The following CCL28 variants were observed in gnomAD, a reference collection of about 807,000 sequenced individuals.
CCL28 encodes C-C motif chemokine ligand 28, also known as C-C motif chemokine 28.
CCL28 carries 4 observed loss-of-function variants against 7.1 expected under a neutral mutation model. That is an observed-to-expected ratio of 0.56 (90% CI 0.28 to 1.29). The LOEUF (loss-of-function observed/expected upper bound fraction) is 1.29. Among genes scored for constraint, CCL28 ranks in the 50% most tolerant of loss-of-function variants. CCL28 has a pLI of 0.11. For synonymous variants in CCL28, 55 were observed against 57.8 expected, an observed-to-expected ratio of 0.95 and a Z score of 0.22; for missense variants, 151 against 163.4, an observed-to-expected ratio of 0.92 and a Z score of 0.41.
chr5:43,368,815 C>T, the CCL28 span, among the ~76,000 whole-genome samples: 2 of 152,024 alleles, frequency 1.3e-5, no homozygotes, highest in African/African-American at 4.8e-5. Context: ...AGGTGTGGGA[C>T]AGAACCCTCC....
At chr5:43,357,153 T>G in the CCL28 span, among the ~76,000 whole-genome samples, 1 of 152,288 alleles carries the variant, frequency 6.6e-6, no homozygotes, top group East Asian at 1.9e-4. Flanking sequence ...AGTGGAGGAT[T>G]CTTATGGCAG....
chr5:43,403,824 T>C (rs6881870), intron 1 of CCL28, among the ~76,000 whole-genome samples: 5,407 of 152,234 alleles, frequency 0.036, 261 homozygotes, highest in African/African-American at 0.11. Context: ...AAGGACCTGA[T>C]GGAGCTGAAA....
At position 43,380,883 on chromosome 5, in the gene CCL28, C is replaced by G. The variant is rs1395532270; in HGVS notation, c.*977G>C. 2.0e-5 allele frequency: 3 copies of G among 150,120 alleles called. No individual in the cohort carries two copies. The highest frequency in any genetic ancestry group is 3.0e-5 in the Non-Finnish European group (2 of 67,516). 9.3% of individuals were successfully genotyped at this position (150,120 alleles called of 1,614,324 possible). On this transcript the variant is annotated 3_prime_UTR_variant, in exon 3 of 3. Transcript: ENST00000361115. Reference sequence around the variant, plus strand: ...ATTGAAAGATATTAAAGAAAAATAACAATTATTTGCAATATGTATGTCAAC... The same window carrying G: ...ATTGAAAGATATTAAAGAAAAATAAGAATTATTTGCAATATGTATGTCAAC...
chr5:43,364,204 C>T, the CCL28 span, among the ~76,000 whole-genome samples: 8 of 104,664 alleles, frequency 7.6e-5, 1 homozygote, highest in Non-Finnish European at 1.1e-4. Context: ...TTCTGATAAA[C>T]ATTGTGATTT....
At position 43,379,614 on chromosome 5, in the gene CCL28, G is replaced by A. The variant is rs1375396215; in HGVS notation, c.*2246C>T. The A allele has an allele frequency of 1.3e-5, 2 of 152,192 alleles. No homozygotes were observed. Among genetic ancestry groups the A allele is most frequent in the East Asian group, 3.8e-4 (2 of 5,196 alleles). The allele number at this position is 152,192 out of a possible 1,614,324, so 9.4% of individuals were successfully genotyped here. The stretch of plus-strand genomic sequence containing the variant: ...GCATTTTAACCTATGGAGACTCAGT[G>A]CCTCTGTGTGTCCCATTATCACCTC... On this transcript the variant is annotated 3_prime_UTR_variant, in exon 3 of 3. Coordinates refer to ENST00000361115, the MANE Select transcript of CCL28 (RefSeq NM_148672.3).
chr5:43,357,568 T>C, the CCL28 span, among the ~76,000 whole-genome samples: 9 of 152,114 alleles, frequency 5.9e-5, no homozygotes, highest in Non-Finnish European at 1.3e-4. Context: ...AAAAACATGA[T>C]CAAGCTCCCA....
the CCL28 span, among the ~76,000 whole-genome samples, chr5:43,359,255 C>G: frequency 5.3e-5 from 8 of 152,026 alleles, no homozygotes; most frequent in African/African-American, 1.9e-4. Context: ...AGCTGAGAAC[C>G]CTGAACAGAG....
At chr5:43,404,620 C>T (rs1370613737) in intron 1 of CCL28, among the ~76,000 whole-genome samples, 3 of 152,150 alleles carry the variant, frequency 2.0e-5, no homozygotes, top group Admixed American at 6.5e-5. Flanking sequence ...AAATAACCAG[C>T]TAGCATCATA....
the CCL28 span, among the ~76,000 whole-genome samples, chr5:43,365,441 G>A: frequency 6.6e-6 from 1 of 152,210 alleles, no homozygotes; most frequent in Non-Finnish European, 1.5e-5. Flanking sequence ...CCTGTTAGTT[G>A]ATGCAGTTTC....
At chr5:43,401,527 G>C (rs752548338) in intron 1 of CCL28, among the ~76,000 whole-genome samples, 3 of 152,182 alleles carry the variant, frequency 2.0e-5, no homozygotes. Context: ...CCTTGGGTGA[G>C]TTAACTCTCT....
intron 1 of CCL28, among the ~76,000 whole-genome samples, chr5:43,397,871 C>G (rs184448061): frequency 6.6e-6 from 1 of 151,678 alleles, no homozygotes; most frequent in Non-Finnish European, 1.5e-5. Flanking sequence ...CTTTTTTTTG[C>G]GTTTTTAAAT....
chr5:43,394,873 T>C (rs1740733619), intron 1 of CCL28, among the ~76,000 whole-genome samples: 1 of 151,988 alleles, frequency 6.6e-6, no homozygotes, highest in Non-Finnish European at 1.5e-5. Flanking sequence ...CTTGCCCTCC[T>C]GGGATAAACC....
chr5:43,393,417 C>A (rs1343575314), intron 1 of CCL28, among the ~76,000 whole-genome samples: 4 of 151,832 alleles, frequency 2.6e-5, no homozygotes, highest in African/African-American at 7.3e-5. Context: ...GGCAGTGGCA[C>A]AATCTCGGCT....
chr5:43,365,613 G>A, the CCL28 span, among the ~76,000 whole-genome samples: 1 of 151,988 alleles, frequency 6.6e-6, no homozygotes, highest in Non-Finnish European at 1.5e-5. Flanking sequence ...TTTCAACCTT[G>A]GTGAATCTGA....
the CCL28 span, among the ~76,000 whole-genome samples, chr5:43,359,127 G>A: frequency 6.6e-6 from 1 of 152,194 alleles, no homozygotes; most frequent in African/African-American, 2.4e-5. Flanking sequence ...ATAGCTAAAT[G>A]ATAAGCTCCT....
intron 1 of CCL28, among the ~76,000 whole-genome samples, chr5:43,406,175 C>T (rs1180188638): frequency 5.9e-5 from 9 of 152,182 alleles, no homozygotes; most frequent in African/African-American, 2.2e-4. Context: ...GATACCAAAG[C>T]CTGACAGAGA....
chr5:43,377,508 A>AG (rs1491548427), downstream of CCL28: 9 of 116,248 alleles, frequency 7.7e-5, no homozygotes, highest in Non-Finnish European at 1.7e-4. Flanking sequence ...AAAAAAAAAA[A>AG]GAAAGAAAGA....
the CCL28 span, among the ~76,000 whole-genome samples, chr5:43,367,550 C>G: frequency 6.6e-6 from 1 of 152,292 alleles, no homozygotes; most frequent in East Asian, 1.9e-4. Context: ...GGCTCACCCT[C>G]TTTAGGCTGC....
chr5:43,390,221 C>T (rs2111771205), intron 1 of CCL28, among the ~76,000 whole-genome samples: 1 of 152,234 alleles, frequency 6.6e-6, no homozygotes, highest in African/African-American at 2.4e-5. Flanking sequence ...GCAAAGACCA[C>T]CTTGGTCAGG....
Sources: gnomAD v4.1 joint callset for allele counts (sites outside exome capture counted in the v4.1 genomes callset) on GRCh38, gnomAD v4.1.1 for gene constraint, MANE v1.5 for transcripts, NCBI Gene and HGNC (gene_info 2026-07-23, HGNC 2026-07-21) for gene names.